The following FAT1 variants were observed in gnomAD, a reference collection of about 807,000 sequenced individuals.
FAT1 encodes protocadherin Fat 1.
Under a neutral mutation model 329.8 loss-of-function variants are expected in FAT1, and 171 were observed. The ratio of observed to expected loss-of-function variants is 0.52; its 90% CI spans 0.46 to 0.59. The LOEUF is 0.59. Among genes scored for constraint, FAT1 ranks in the 20% least tolerant of loss-of-function variants. The pLI is 0.00. For synonymous variants in FAT1, 2,233 were observed against 2,228.6 expected (o/e 1.00, Z -0.06); for missense variants, 5,672 against 5,774.4 (o/e 0.98, Z 0.57).
chr4:186,651,049 TTAAA>T (rs1208080670), intron 3 of FAT1, among the ~76,000 whole-genome samples: 1 of 149,430 alleles, frequency 6.7e-6, no homozygotes, highest in African/African-American at 2.4e-5. Flanking sequence ...TTTACTATTA[TTAAA>T]TAATTTATTT....
upstream of FAT1, chr4:186,723,891 C>T (rs918151566): frequency 1.3e-5 from 2 of 150,862 alleles, no homozygotes; most frequent in Admixed American, 1.3e-4. Flanking sequence ...CCCGGCCCCG[C>T]CCGCCGGCGC....
chr4:186,604,628 T>G lies in FAT1; in HGVS notation c.10351-54A>C, dbSNP rs1579304151. 3 of 1,197,480 alleles carry G rather than the reference T, an allele frequency of 2.5e-6. No individual in the cohort carries two copies. The South Asian group carries it at 4.3e-5, about 17-fold the overall frequency. The allele number at this position is 1,197,480 out of a possible 1,614,324, so 74.2% of individuals were successfully genotyped here. On this transcript the variant is annotated intron_variant, in intron 17 of 26. Coordinates refer to ENST00000441802, the MANE Select transcript of FAT1 (RefSeq NM_005245.4). ...AAAAATCCTGGAACACAGCCAAATC[T>G]ATATGGGACAGACACATGAGTTTTC...
chr4:186,605,732 T>G (rs1254368223), intron 17 of FAT1, among the ~76,000 whole-genome samples: 3 of 119,310 alleles, frequency 2.5e-5, no homozygotes, highest in Non-Finnish European at 3.4e-5. Flanking sequence ...GAAGGAAGGA[T>G]TGGGGGCTAG....
Position 186,707,255 on chromosome 4 carries a change from G to A in FAT1, c.2573C>T (p.Thr858Met), listed in dbSNP as rs542371369. ...DKDLGPNGHV[T>M]YSIVTDTDTF... ...GTCTGTGTCTGTAACAATTGAGTAC[G>A]TCACGTGTCCGTTGGGCCCCAGGTC... The change falls in exon 2 of 27, where the codon ACG becomes ATG. Residue 858 changes from threonine (T) to methionine (M), a missense_variant. Transcript: ENST00000441802. 9.3e-6 allele frequency: 15 copies of A among 1,613,954 alleles called. No homozygotes were observed. In the East Asian group the frequency reaches 2.0e-4, roughly 22 times the overall value.
chr4:186,659,210 A>C (rs1742052425), intron 3 of FAT1, among the ~76,000 whole-genome samples: 1 of 152,204 alleles, frequency 6.6e-6, no homozygotes, highest in African/African-American at 2.4e-5. Context: ...GGTGTGTAGT[A>C]GGCTAGACCA....
chr4:186,673,708 C>T (rs1186408330), intron 2 of FAT1, among the ~76,000 whole-genome samples: 4 of 152,300 alleles, frequency 2.6e-5, no homozygotes, highest in Admixed American at 1.3e-4. Flanking sequence ...CTTACTAAAA[C>T]GTAGTATTAA....
chr4:186,717,554 C>T (rs1203384908), intron 1 of FAT1, among the ~76,000 whole-genome samples: 1 of 152,192 alleles, frequency 6.6e-6, no homozygotes, highest in Admixed American at 6.5e-5. Context: ...CTGGCTTTTT[C>T]AGAAAACTTC....
chr4:186,628,987 ATAAC>A (rs1740457379), intron 7 of FAT1, among the ~76,000 whole-genome samples: 1 of 152,212 alleles, frequency 6.6e-6, no homozygotes, highest in Non-Finnish European at 1.5e-5. Flanking sequence ...CTGCATTCTT[ATAAC>A]TAACTCTGGG....
At chr4:186,643,775 C>T (rs1434087924) in intron 3 of FAT1, among the ~76,000 whole-genome samples, 4 of 151,054 alleles carry the variant, frequency 2.6e-5, no homozygotes, top group Non-Finnish European at 4.4e-5. Context: ...GTGAGCATCA[C>T]TCCTGCTCCT....
intron 3 of FAT1, among the ~76,000 whole-genome samples, chr4:186,640,709 C>T (rs1448622406): frequency 1.3e-5 from 2 of 152,178 alleles, no homozygotes; most frequent in Non-Finnish European, 2.9e-5. Context: ...GTTTTGACCT[C>T]TCTTGAGAAC....
intron 2 of FAT1, among the ~76,000 whole-genome samples, chr4:186,665,323 T>C (rs1448378532): frequency 6.6e-6 from 1 of 152,182 alleles, no homozygotes; most frequent in Non-Finnish European, 1.5e-5. Flanking sequence ...AGTGTTAAAG[T>C]GTTCCTATTT....
At chr4:186,683,528 C>G (rs1325833897) in intron 2 of FAT1, among the ~76,000 whole-genome samples, 1 of 152,206 alleles carries the variant, frequency 6.6e-6, no homozygotes, top group African/African-American at 2.4e-5. Context: ...CCTCTCAAAT[C>G]TTGCCTCTGT....
chr4:186,650,726 A>C (rs964594032), intron 3 of FAT1, among the ~76,000 whole-genome samples: 3 of 152,260 alleles, frequency 2.0e-5, no homozygotes, highest in Non-Finnish European at 4.4e-5. Flanking sequence ...AAAAATGAAC[A>C]TAAATTACAT....
chr4:186,685,562 T>C (rs1743420202), intron 2 of FAT1, among the ~76,000 whole-genome samples: 1 of 152,214 alleles, frequency 6.6e-6, no homozygotes, highest in Non-Finnish European at 1.5e-5. Flanking sequence ...CTGGTTAACT[T>C]TTCCTTTGAC....
intron 2 of FAT1, among the ~76,000 whole-genome samples, chr4:186,666,746 G>T (rs1742455467): frequency 6.6e-6 from 1 of 152,198 alleles, no homozygotes; most frequent in Admixed American, 6.5e-5. Context: ...CCTGTGATAA[G>T]TGTCTTACAT....
intron 3 of FAT1, among the ~76,000 whole-genome samples, chr4:186,651,796 C>G (rs975375006): frequency 2.6e-5 from 4 of 152,216 alleles, no homozygotes; most frequent in Non-Finnish European, 5.9e-5. Flanking sequence ...ACTGTGAGCT[C>G]GGAGATCTCC....
At chr4:186,657,888 C>A (rs1356760105) in intron 3 of FAT1, among the ~76,000 whole-genome samples, 1 of 152,136 alleles carries the variant, frequency 6.6e-6, no homozygotes, top group East Asian at 1.9e-4. Flanking sequence ...TGTCGATTTC[C>A]CGAGGTTGTT....
rs1394661305 is a variant in FAT1 at position 186,596,001 on chromosome 4, C to A, written c.13001-175G>T. ...ACTCAAACGAAGAAATAAAAAACCCCTGCACAGAAAGACCTCCACATCATC... is the reference window on the plus strand; with the variant it reads ...ACTCAAACGAAGAAATAAAAAACCCATGCACAGAAAGACCTCCACATCATC... On this transcript the variant is annotated intron_variant, in intron 25 of 26. Transcript: ENST00000441802. This position sits in a 1 kb window ranked among gnomAD's most constrained non-coding sequence, Gnocchi z 4.7. Among the ~76,000 whole-genome samples, 3 of 152,130 alleles carry A rather than the reference C, an allele frequency of 2.0e-5. No individual in the cohort carries two copies. The highest frequency in any genetic ancestry group is 7.2e-5 in the African/African-American group (3 of 41,416).
chr4:186,651,866 C>T (rs999087502), intron 3 of FAT1, among the ~76,000 whole-genome samples: 1 of 152,218 alleles, frequency 6.6e-6, no homozygotes, highest in Non-Finnish European at 1.5e-5. Flanking sequence ...CTACAGCCGG[C>T]TGCGCGCTCT....
Sources: gnomAD v4.1 joint callset for allele counts (sites outside exome capture counted in the v4.1 genomes callset) on GRCh38, gnomAD v4.1.1 for gene constraint, Gnocchi (gnomAD v3.1) non-coding constraint, MANE v1.5 for transcripts, NCBI Gene and HGNC (gene_info 2026-07-23, HGNC 2026-07-21) for gene names.